Variants in EXD3 observed in about 807,000 individuals in gnomAD.
EXD3 encodes exonuclease mut-7 homolog.
In EXD3, 92 loss-of-function variants were observed where a neutral mutation model predicts 98.0. The ratio of observed to expected loss-of-function variants is 0.94; its 90% CI spans 0.79 to 1.12. EXD3 has a LOEUF of 1.12. Among genes scored for constraint, EXD3 ranks in the 50% most tolerant of loss-of-function variants. The probability of loss-of-function intolerance (pLI) is 0.00; values close to 1 mark genes in which losing one functional copy is unlikely to be tolerated. For missense variants in EXD3, 1,222 were observed against 1,191.6 expected (o/e 1.03, Z -0.38); for synonymous variants, 569 against 526.0 (o/e 1.08, Z -1.12).
intron 3 of EXD3, among the ~76,000 whole-genome samples, chr9:137,377,514 C>G (rs1024455847): frequency 6.6e-6 from 1 of 150,712 alleles, no homozygotes; most frequent in East Asian, 2.0e-4. Flanking sequence ...TGGCTCATGC[C>G]TGTAATCCCA....
intron 2 of EXD3, among the ~76,000 whole-genome samples, chr9:137,386,985 TCCCTCAGCACCCCCGCTCCCTGCCTGGCC>T (rs1836628951): frequency 8.8e-5 from 4 of 45,200 alleles, no homozygotes; most frequent in African/African-American, 1.9e-4. Flanking sequence ...CCTGCCTGCC[TCCCTCAGCACCCCCGCTCCCTGCCTGGCC>T]CCCTCAGCAC....
chr9:137,370,553 G>C (rs1026465132), intron 5 of EXD3, among the ~76,000 whole-genome samples: 2 of 151,756 alleles, frequency 1.3e-5, no homozygotes, highest in South Asian at 2.1e-4. Context: ...TGGCGGGGTC[G>C]GGGTGGGGCT....
rs1321363283 is a variant in EXD3 at position 137,390,218 on chromosome 9, C to T, written c.55+5085G>A. Reference sequence around the variant, plus strand: ...GGCTGAGGTGGGCGGATCATGAGGTCAGGAGATCGAGACCATCCTGGCTAA... The same window carrying T: ...GGCTGAGGTGGGCGGATCATGAGGTTAGGAGATCGAGACCATCCTGGCTAA... On this transcript the variant is annotated intron_variant, in intron 2 of 21. Transcript: ENST00000340951. Among the ~76,000 whole-genome samples, 2 of 147,368 alleles carry T rather than the reference C, an allele frequency of 1.4e-5. 1 individual carries two copies. Among genetic ancestry groups the T allele is most frequent in the Non-Finnish European group, 3.0e-5 (2 of 67,568 alleles).
intron 10 of EXD3, chr9:137,353,459 T>C (rs919993773): frequency 4.1e-6 from 4 of 985,302 alleles, no homozygotes; most frequent in Non-Finnish European, 4.8e-6. Context: ...TATGTGGGGT[T>C]TGGCTGGCAG....
chr9:137,379,310 C>T (rs1588388009), intron 3 of EXD3, among the ~76,000 whole-genome samples: 10 of 131,348 alleles, frequency 7.6e-5, no homozygotes, highest in Non-Finnish European at 1.4e-4. Context: ...TGCCTGGGGC[C>T]GAGGGGAATG....
Position 137,351,420 on chromosome 9 carries a change from G to C in EXD3, c.1282C>G (p.Leu428Val). Residue 428 changes from leucine (L) to valine (V), a missense_variant, in exon 13 of 22, where the codon CTG (leucine) becomes GTG (valine). By Grantham distance (32) the Leu-to-Val change is conservative (BLOSUM62 1). Coordinates refer to ENST00000340951, the MANE Select transcript of EXD3 (RefSeq NM_017820.5). Reference sequence around the variant, plus strand: ...GGCTGCGAGAGTGCCAGGACGTCCAGAAGGAACACGTGGCCCTCCACGGCC... The same window carrying C: ...GGCTGCGAGAGTGCCAGGACGTCCACAAGGAACACGTGGCCCTCCACGGCC... ...QVAVEGHVFL[L>V]DVLALSQPPT... The C allele has an allele frequency of 6.2e-7, 1 of 1,608,756 alleles. No homozygotes were observed. The highest frequency in any genetic ancestry group is 8.5e-7 in the Non-Finnish European group (1 of 1,178,524).
intron 7 of EXD3, 66 bp from the exon 8 acceptor site, chr9:137,356,434 T>A: frequency 9.1e-7 from 1 of 1,095,912 alleles, no homozygotes. Flanking sequence ...GATTTTCATT[T>A]TCATCATAGT....
intron 1 of EXD3, among the ~76,000 whole-genome samples, chr9:137,409,980 G>A (rs1425963644): frequency 6.6e-6 from 1 of 152,160 alleles, no homozygotes; most frequent in Non-Finnish European, 1.5e-5. Flanking sequence ...TTCGAGACCA[G>A]CCTGGCCAAC....
rs1831259409 is a variant in EXD3 at position 137,309,647 on chromosome 9, G to A, written c.2238C>T (p.Leu746=). ...LKVSRDMMKQ[L]MWLSSHQEGP... ...CCTCCTGGTGACTGCTGAGCCACAT[G>A]AGCTGCTTCATCATGTCCCTGGAGA... The change falls in exon 20 of 22, where the codon CTC becomes CTT. Residue 746 remains leucine (L), a synonymous_variant. Coordinates refer to ENST00000340951, the MANE Select transcript of EXD3 (RefSeq NM_017820.5). The A allele has an allele frequency of 1.3e-6, 2 of 1,563,150 alleles. No individual in the cohort carries two copies. Among genetic ancestry groups the A allele is most frequent in the East Asian group, 2.4e-5 (1 of 41,946 alleles).
intron 7 of EXD3, among the ~76,000 whole-genome samples, chr9:137,364,755 A>C (rs1431036967): frequency 1.4e-5 from 2 of 144,390 alleles, no homozygotes; most frequent in African/African-American, 2.6e-5. Flanking sequence ...CAATGCATTC[A>C]CTGTTTTGTT....
chr9:137,309,658 T>A lies in EXD3; in HGVS notation c.2227A>T (p.Met743Leu). 1.3e-6 allele frequency: 2 copies of A among 1,561,724 alleles called. No homozygotes were observed. The highest frequency in any genetic ancestry group is 2.4e-5 in the East Asian group (1 of 41,854). Residue 743 changes from methionine (M) to leucine (L), a missense_variant, in exon 20 of 22, where the codon ATG becomes TTG. Physicochemically the swap from Met to Leu is conservative, Grantham distance 15. Coordinates refer to ENST00000340951, the MANE Select transcript of EXD3 (RefSeq NM_017820.5). ...DQYLKVSRDMMKQLMWLSSHQ... is the reference protein window; with the variant it reads ...DQYLKVSRDMLKQLMWLSSHQ... ...CTGCTGAGCCACATGAGCTGCTTCATCATGTCCCTGGAGACCTTTAGGTAC... is the reference window on the plus strand; with the variant it reads ...CTGCTGAGCCACATGAGCTGCTTCAACATGTCCCTGGAGACCTTTAGGTAC...
At chr9:137,366,191 C>T (rs1588357513) in intron 7 of EXD3, 2 of 702,236 alleles carry the variant, frequency 2.8e-6, no homozygotes, top group Non-Finnish European at 2.6e-6. Flanking sequence ...AATGGATGAA[C>T]AAGAAAGCAG....
intron 5 of EXD3, among the ~76,000 whole-genome samples, chr9:137,370,139 T>C (rs1588367819): frequency 1.3e-5 from 2 of 152,072 alleles, no homozygotes; most frequent in Admixed American, 1.3e-4. Flanking sequence ...GGGTGGCTAG[T>C]AGCAGACCCA....
At chr9:137,406,014 G>GT (rs1332696570) in intron 1 of EXD3, among the ~76,000 whole-genome samples, 1 of 152,078 alleles carries the variant, frequency 6.6e-6, no homozygotes, top group Non-Finnish European at 1.5e-5. Flanking sequence ...GAGCTCAGGA[G>GT]TTTGAGACCA....
In EXD3 at chr9:137,407,350, C is replaced by T. The variant is rs1336269643; in HGVS notation, c.-47-11946G>A. 6.6e-6 allele frequency among the ~76,000 whole-genome samples: 1 copy of T among 152,248 alleles called. No individual in the cohort carries two copies. The highest frequency in any genetic ancestry group is 2.4e-5 in the African/African-American group (1 of 41,474). ...CACCTCTGTCCGCCTGCCCTAAATA[C>T]CGCAGAGGTGACTGCTCCCCCGCGA... On this transcript the variant is annotated intron_variant, in intron 1 of 21. Transcript: ENST00000340951. The surrounding 1 kb of genome is among the most constrained non-coding windows in gnomAD (Gnocchi z 4.4).
At position 137,324,235 on chromosome 9, in the gene EXD3, C is replaced by T. The variant is rs1362339466; in HGVS notation, c.1999-92G>A. ...CTCGCCACCCCCTAGCTCCCCGGAT[C>T]GTGGCCCTGCCCCAGGCCCCTTTTG... is the stretch of plus-strand genomic sequence containing the variant. On this transcript the variant is annotated intron_variant, in intron 17 of 21. Coordinates refer to ENST00000340951, the MANE Select transcript of EXD3 (RefSeq NM_017820.5). This position sits in a 1 kb window ranked among gnomAD's most constrained non-coding sequence, Gnocchi z 4.1. The T allele has an allele frequency of 7.1e-6, 8 of 1,132,676 alleles. No homozygotes were observed. The highest frequency in any genetic ancestry group is 2.3e-4 in the Middle Eastern group (1 of 4,440). The allele number at this position is 1,132,676 out of a possible 1,614,324, so 70.2% of individuals were successfully genotyped here.
At position 137,359,248 on chromosome 9, in the gene EXD3, C is replaced by T. The variant is rs1247679389; in HGVS notation, c.657-2880G>A. ...CCTCCCAAAGTGCTGGGATTACAGGCGTGAGCCACCGTGCCCGGCCAAGGC... is the reference window on the plus strand; with the variant it reads ...CCTCCCAAAGTGCTGGGATTACAGGTGTGAGCCACCGTGCCCGGCCAAGGC... On this transcript the variant is annotated intron_variant, in intron 7 of 21. Transcript: ENST00000340951. Among the ~76,000 whole-genome samples the T allele has an allele frequency of 9.6e-5, 8 of 83,022 alleles. 3 individuals carry two copies. The highest frequency in any genetic ancestry group is 6.7e-5 in the African/African-American group (2 of 30,030). 54.5% of individuals were successfully genotyped at this position (83,022 alleles called of 152,430 possible).
intron 19 of EXD3, among the ~76,000 whole-genome samples, chr9:137,315,578 C>G (rs752456313): frequency 6.6e-6 from 1 of 152,148 alleles, no homozygotes; most frequent in East Asian, 1.9e-4. Flanking sequence ...GCCCCGGCAC[C>G]GGGTCTCCCA....
In EXD3 at chr9:137,374,787, C is replaced by G. The variant is rs1835811997; in HGVS notation, c.121-1188G>C. 6 of 985,358 alleles carry G rather than the reference C, an allele frequency of 6.1e-6. No homozygotes were observed. The South Asian group carries it at 2.8e-4, about 46-fold the overall frequency. The allele number at this position is 985,358 out of a possible 1,614,324, so 61.0% of individuals were successfully genotyped here. A position where few individuals can be genotyped will look rare whatever the true frequency, so the allele number is the denominator to read the frequency against. The stretch of plus-strand genomic sequence containing the variant: ...CTCTGGGAAGAAAAGGAAAGCCGCC[C>G]TTAAACAAAGCCTGAGCATCTCAAG... On this transcript the variant is annotated intron_variant, in intron 3 of 21. Coordinates refer to ENST00000340951, the MANE Select transcript of EXD3 (RefSeq NM_017820.5).
Sources: gnomAD v4.1 joint callset for allele counts (sites outside exome capture counted in the v4.1 genomes callset) on GRCh38, gnomAD v4.1.1 for gene constraint, Gnocchi (gnomAD v3.1) non-coding constraint, MANE v1.5 for transcripts, NCBI Gene and HGNC (gene_info 2026-07-23, HGNC 2026-07-21) for gene names.